The following MCC variants were observed in gnomAD, a reference collection of about 807,000 sequenced individuals.
MCC encodes MCC regulator of Wnt signaling pathway.
MCC carries 90 observed loss-of-function variants against 116.2 expected under a neutral mutation model. The observed-to-expected ratio is 0.77, with a 90% CI of 0.65 to 0.92. The LOEUF is 0.92. MCC is among the 40% of genes least tolerant of loss of function. MCC has a pLI of 0.00. For missense variants in MCC, 1,516 were observed against 1,312.2 expected, an observed-to-expected ratio of 1.16 and a Z score of -2.40; for synonymous variants, 578 against 510.5, an observed-to-expected ratio of 1.13 and a Z score of -1.78.
At chr5:113,470,560 C>A (rs1429808397) in intron 1 of MCC, among the ~76,000 whole-genome samples, 1 of 152,204 alleles carries the variant, frequency 6.6e-6, no homozygotes, top group Admixed American at 6.5e-5. Context: ...AGCTGTTAGT[C>A]TGATGGGCTT....
At chr5:113,443,836 G>A (rs977247485) in intron 1 of MCC, among the ~76,000 whole-genome samples, 2 of 152,104 alleles carry the variant, frequency 1.3e-5, no homozygotes, top group African/African-American at 4.8e-5. Flanking sequence ...TTGCATCCCA[G>A]GTATTGAGAT....
intron 1 of MCC, among the ~76,000 whole-genome samples, chr5:113,468,216 A>G (rs913025034): frequency 1.1e-4 from 17 of 152,252 alleles, no homozygotes; most frequent in African/African-American, 4.1e-4. Flanking sequence ...TTCCAACACT[A>G]TGTTGAATAG....
chr5:113,163,355 T>C (rs1237050823), intron 3 of MCC, among the ~76,000 whole-genome samples: 1 of 152,182 alleles, frequency 6.6e-6, no homozygotes, highest in Non-Finnish European at 1.5e-5. Flanking sequence ...TAATCCTAAG[T>C]TGTCACCAAA....
chr5:113,182,801 C>T (rs990529742), intron 3 of MCC, among the ~76,000 whole-genome samples: 3 of 152,216 alleles, frequency 2.0e-5, no homozygotes, highest in African/African-American at 7.2e-5. Context: ...GCACTCAATG[C>T]ATGCGCATCC....
At chr5:113,420,546 C>T (rs953808067) in intron 1 of MCC, among the ~76,000 whole-genome samples, 1 of 152,172 alleles carries the variant, frequency 6.6e-6, no homozygotes, top group Admixed American at 6.6e-5. Context: ...CTCTGAAAGA[C>T]ACACTACAGA....
At chr5:113,440,180 C>T (rs1486612224) in intron 1 of MCC, among the ~76,000 whole-genome samples, 1 of 152,198 alleles carries the variant, frequency 6.6e-6, no homozygotes, top group Admixed American at 6.5e-5. Flanking sequence ...TCCAGTCTGG[C>T]ATTTCTCCTC....
intron 2 of MCC, among the ~76,000 whole-genome samples, chr5:113,366,187 A>T (rs1282876202): frequency 6.6e-6 from 1 of 151,940 alleles, no homozygotes; most frequent in Non-Finnish European, 1.5e-5. Flanking sequence ...TCATTCCTAG[A>T]TGTTCATTTG....
chr5:113,428,077 T>G (rs1770529815), intron 1 of MCC, among the ~76,000 whole-genome samples: 1 of 152,188 alleles, frequency 6.6e-6, no homozygotes. Context: ...CCCTCCCTTA[T>G]GCCTGTAATG....
chr5:113,487,522 C>A (rs777239046), intron 1 of MCC, among the ~76,000 whole-genome samples: 4 of 152,226 alleles, frequency 2.6e-5, no homozygotes, highest in Non-Finnish European at 4.4e-5. Flanking sequence ...TGCGGGGGAT[C>A]CGAAGCAAAC....
chr5:113,129,925 G>A (rs1758324256), intron 5 of MCC, among the ~76,000 whole-genome samples: 1 of 152,234 alleles, frequency 6.6e-6, no homozygotes, highest in South Asian at 2.1e-4. Flanking sequence ...AAGACAGTGT[G>A]CCAATTCCTC....
chr5:113,250,793 C>T (rs1431626119), intron 3 of MCC, among the ~76,000 whole-genome samples: 1 of 152,098 alleles, frequency 6.6e-6, no homozygotes, highest in Non-Finnish European at 1.5e-5. Context: ...TGTGTAATTC[C>T]ACTCCCTCTA....
chr5:113,277,367 CAAAA>C (rs34104526), intron 3 of MCC, among the ~76,000 whole-genome samples: 2 of 136,106 alleles, frequency 1.5e-5, no homozygotes. Flanking sequence ...GACTCCATCT[CAAAA>C]AAAAAAAAAA....
chr5:113,320,670 A>C (rs1056082174), intron 3 of MCC, among the ~76,000 whole-genome samples: 2 of 152,228 alleles, frequency 1.3e-5, no homozygotes, highest in Non-Finnish European at 2.9e-5. Flanking sequence ...CCTTGGCCAA[A>C]CTATTGCTTC....
chr5:113,118,545 C>CT (rs1305727582), intron 6 of MCC, among the ~76,000 whole-genome samples: 2 of 152,260 alleles, frequency 1.3e-5, no homozygotes, highest in East Asian at 3.9e-4. Flanking sequence ...AAGAAAAGTG[C>CT]TTTTTGATGA....
chr5:113,035,613 A>G (rs1751277435), intron 17 of MCC, among the ~76,000 whole-genome samples: 1 of 152,120 alleles, frequency 6.6e-6, no homozygotes, highest in African/African-American at 2.4e-5. Flanking sequence ...GGAATCCTGT[A>G]GGTCCTCAAC....
At chr5:113,215,244 A>G (rs1184581578) in intron 3 of MCC, among the ~76,000 whole-genome samples, 1 of 152,168 alleles carries the variant, frequency 6.6e-6, no homozygotes, top group Non-Finnish European at 1.5e-5. Context: ...TTGGTATAAT[A>G]GCTTGTCTAT....
At position 113,313,501 on chromosome 5, in the gene MCC, T is replaced by C. The variant is rs540009302; in HGVS notation, c.627+27018A>G. 1.9e-3 allele frequency among the ~76,000 whole-genome samples: 293 copies of C among 151,966 alleles called. 1 individual carries two copies. Among genetic ancestry groups the C allele is most frequent in the Middle Eastern group, 0.014 (4 of 294 alleles). On this transcript the variant is annotated intron_variant, in intron 3 of 18. Coordinates refer to ENST00000408903, the MANE Select transcript of MCC (RefSeq NM_001085377.2). ...TTCCTGTCATATCTGATAGCGGTGG[T>C]TGGGGAGGAAGGAGGGTTGGAGATA...
At chr5:113,440,233 T>A (rs1266942129) in intron 1 of MCC, among the ~76,000 whole-genome samples, 2 of 152,204 alleles carry the variant, frequency 1.3e-5, no homozygotes, top group Non-Finnish European at 2.9e-5. Context: ...TCAGGATATT[T>A]TATTCCCCTG....
chr5:113,418,689 T>C (rs2416293), intron 1 of MCC, among the ~76,000 whole-genome samples: 4,882 of 131,202 alleles, frequency 0.037, 109 homozygotes, highest in East Asian at 0.082. Flanking sequence ...TCATCATTAT[T>C]ATCATCATCA....
Sources: gnomAD v4.1 joint callset for allele counts (sites outside exome capture counted in the v4.1 genomes callset) on GRCh38, gnomAD v4.1.1 for gene constraint, MANE v1.5 for transcripts, NCBI Gene and HGNC (gene_info 2026-07-23, HGNC 2026-07-21) for gene names.